The following SPECC1 variants were observed in gnomAD, a reference collection of about 807,000 sequenced individuals.
SPECC1 encodes the protein sperm antigen with calponin homology and coiled-coil domains 1, also known as cytospin-B.
Under a neutral mutation model 104.1 loss-of-function variants are expected in SPECC1, and 62 were observed. The observed-to-expected ratio is 0.60, with a 90% CI of 0.49 to 0.74. The LOEUF is 0.74. Ranked by LOEUF, SPECC1 falls within the 30% of genes least tolerant of loss-of-function variation. The pLI, the probability that SPECC1 is intolerant of heterozygous loss-of-function variation, is 0.00. For synonymous variants in SPECC1, 513 were observed against 501.6 expected (o/e 1.02, Z -0.30); for missense variants, 1,306 against 1,310.5 (o/e 1.00, Z 0.05).
Position 20,110,507 on chromosome 17 carries a change from C to T in SPECC1, c.228C>T (p.Thr76=), listed in dbSNP as rs778537636. The change falls in exon 3 of 15, where the codon ACC becomes ACT. Residue 76 remains threonine (T), a synonymous_variant. Transcript: ENST00000395527. ...AASGVVRLKK[T]ATAGAISELT... ...CGGGGGTGGTTCGCCTGAAGAAGAC[C>T]GCCACTGCCGGAGCCATCTCGGAGC... The T allele has an allele frequency of 1.4e-5, 22 of 1,613,880 alleles. No homozygotes were observed. The highest frequency in any genetic ancestry group is 1.3e-4 in the African/African-American group (10 of 74,922).
chr17:20,107,948 G>A (rs2048314026), intron 2 of SPECC1, among the ~76,000 whole-genome samples: 1 of 152,170 alleles, frequency 6.6e-6, no homozygotes, highest in South Asian at 2.1e-4. Flanking sequence ...GCTGCAATGA[G>A]CCATGTTTGA....
chr17:20,153,263 G>T (rs977658523), intron 3 of SPECC1, among the ~76,000 whole-genome samples: 1 of 152,190 alleles, frequency 6.6e-6, no homozygotes, highest in Non-Finnish European at 1.5e-5. Flanking sequence ...CAACATTGCT[G>T]TAATATAAGT....
At chr17:20,026,529 T>G (rs1287471653) in intron 1 of SPECC1, among the ~76,000 whole-genome samples, 2 of 152,062 alleles carry the variant, frequency 1.3e-5, no homozygotes, top group Admixed American at 1.3e-4. Flanking sequence ...AGTGAGAACA[T>G]GTACTGTTTA....
intron 1 of SPECC1, among the ~76,000 whole-genome samples, chr17:20,013,612 C>A (rs1340829129): frequency 6.6e-6 from 1 of 152,186 alleles, no homozygotes; most frequent in Non-Finnish European, 1.5e-5. Flanking sequence ...AACGATTCTC[C>A]CAACCCAGCC....
intron 1 of SPECC1, among the ~76,000 whole-genome samples, chr17:20,039,598 C>T (rs571406921): frequency 1.3e-5 from 2 of 152,032 alleles, no homozygotes; most frequent in Non-Finnish European, 2.9e-5. Flanking sequence ...CTCACTCTGT[C>T]GTTCAGGCTG....
At chr17:20,122,745 C>T (rs1486190615) in intron 3 of SPECC1, among the ~76,000 whole-genome samples, 1 of 152,178 alleles carries the variant, frequency 6.6e-6, no homozygotes, top group Non-Finnish European at 1.5e-5. Flanking sequence ...TGTCCTTTTG[C>T]AACCGGCTTA....
At chr17:20,246,205 G>A (rs983751067) in intron 8 of SPECC1, 134 bp downstream of exon 8, 27 of 1,019,360 alleles carry the variant, frequency 2.6e-5, no homozygotes, top group East Asian at 1.3e-4. Flanking sequence ...GTCCTACCAC[G>A]TGCAGCCACT....
chr17:20,200,511 C>T lies in SPECC1; in HGVS notation c.284-3822C>T, dbSNP rs530719863. On this transcript the variant is annotated intron_variant, in intron 3 of 14. Transcript: ENST00000395527. ...CGGGGTGGGAGCAGCACAAAAGATCCAATGGTGCTGGCTGAGCCAATCCCT... is the reference window on the plus strand; with the variant it reads ...CGGGGTGGGAGCAGCACAAAAGATCTAATGGTGCTGGCTGAGCCAATCCCT... 9.2e-5 allele frequency among the ~76,000 whole-genome samples: 14 copies of T among 152,288 alleles called. No individual in the cohort carries two copies. In the East Asian group the frequency reaches 2.7e-3, roughly 29 times the overall value.
intron 7 of SPECC1, among the ~76,000 whole-genome samples, chr17:20,244,133 G>A (rs2039322373): frequency 2.0e-5 from 3 of 152,162 alleles, no homozygotes; most frequent in Admixed American, 2.0e-4. Flanking sequence ...GGAGGCTGAG[G>A]CATTAGAATC....
chr17:20,112,156 C>G lies in SPECC1; in HGVS notation c.283+1594C>G. The G allele has an allele frequency of 5.2e-6, 4 of 763,384 alleles. No homozygotes were observed. The Admixed American group carries it at 6.9e-5, about 13-fold the overall frequency. 47.3% of individuals were successfully genotyped at this position (763,384 alleles called of 1,614,324 possible). On this transcript the variant is annotated intron_variant, in intron 3 of 14. Coordinates refer to ENST00000395527, the MANE Select transcript of SPECC1 (RefSeq NM_001243439.2). ...ACAGAGCACTTTAGTGAATAAAGAACCTGATAGTATGCTGGCCCACATGTT... is the reference window on the plus strand; with the variant it reads ...ACAGAGCACTTTAGTGAATAAAGAAGCTGATAGTATGCTGGCCCACATGTT...
At chr17:20,180,218 G>A (rs2034777630) in intron 3 of SPECC1, among the ~76,000 whole-genome samples, 1 of 152,082 alleles carries the variant, frequency 6.6e-6, no homozygotes, top group African/African-American at 2.4e-5. Context: ...AGCGAGGAGA[G>A]GAAAAAGATG....
chr17:20,036,521 A>G (rs1567805618), intron 1 of SPECC1, among the ~76,000 whole-genome samples: 1 of 152,226 alleles, frequency 6.6e-6, no homozygotes, highest in Non-Finnish European at 1.5e-5. Context: ...GTGCTAATTA[A>G]CGTATGCATT....
At chr17:20,043,797 T>G (rs956496408) in intron 1 of SPECC1, among the ~76,000 whole-genome samples, 1 of 152,178 alleles carries the variant, frequency 6.6e-6, no homozygotes, top group African/African-American at 2.4e-5. Flanking sequence ...AAGAGTTTTC[T>G]AAGGGAAGAT....
At chr17:20,136,701 G>A (rs2030024743) in intron 3 of SPECC1, among the ~76,000 whole-genome samples, 1 of 152,096 alleles carries the variant, frequency 6.6e-6, no homozygotes, top group Non-Finnish European at 1.5e-5. Context: ...AACGTAAATG[G>A]ACACACCATT....
chr17:20,225,608 C>G (rs894964845), intron 4 of SPECC1, among the ~76,000 whole-genome samples: 25 of 152,182 alleles, frequency 1.6e-4, no homozygotes, highest in Non-Finnish European at 3.1e-4. Flanking sequence ...GATGCTGTCT[C>G]TCTACCATGT....
At chr17:20,047,321 T>C (rs1336375354) in intron 1 of SPECC1, among the ~76,000 whole-genome samples, 1 of 152,236 alleles carries the variant, frequency 6.6e-6, no homozygotes, top group Non-Finnish European at 1.5e-5. Context: ...TCCAGTGTTC[T>C]GGAGAAGACT....
At chr17:20,055,597 G>T (rs921744573) in intron 1 of SPECC1, among the ~76,000 whole-genome samples, 1 of 152,192 alleles carries the variant, frequency 6.6e-6, no homozygotes, top group Non-Finnish European at 1.5e-5. Flanking sequence ...CTAGCAGATA[G>T]GGAATTTCAC....
chr17:20,018,796 C>T (rs560275625), intron 1 of SPECC1, among the ~76,000 whole-genome samples: 6 of 152,316 alleles, frequency 3.9e-5, no homozygotes, highest in African/African-American at 1.2e-4. Context: ...CTTAACTCCC[C>T]GAGGAAGGAG....
At chr17:20,231,498 T>C (rs558306973) in intron 5 of SPECC1, among the ~76,000 whole-genome samples, 6 of 151,010 alleles carry the variant, frequency 4.0e-5, no homozygotes, top group Admixed American at 2.6e-4. Flanking sequence ...GGTTGTGCAT[T>C]CTGTCTGCTG....
Sources: allele counts gnomAD v4.1 joint callset (sites outside exome capture counted in the v4.1 genomes callset), GRCh38; gene constraint gnomAD v4.1.1; transcripts MANE v1.5; gene names NCBI Gene and HGNC (gene_info 2026-07-23, HGNC 2026-07-21).